The following SOX6 variants were observed in gnomAD, a reference collection of about 807,000 sequenced individuals.
SOX6 encodes the protein transcription factor SOX-6.
SOX6 carries 11 observed loss-of-function variants against 97.8 expected under a neutral mutation model. The observed-to-expected ratio is 0.11, with a 90% CI of 0.07 to 0.19. The LOEUF (loss-of-function observed/expected upper bound fraction) is 0.19. Among genes scored for constraint, SOX6 ranks in the 10% least tolerant of loss-of-function variants. The probability of loss-of-function intolerance (pLI) is 1.00; values close to 1 mark genes in which losing one functional copy is unlikely to be tolerated. For synonymous variants in SOX6, 360 were observed against 371.4 expected, an observed-to-expected ratio of 0.97 and a Z score of 0.35; for missense variants, 810 against 1,039.5, an observed-to-expected ratio of 0.78 and a Z score of 3.04.
intron 2 of SOX6, among the ~76,000 whole-genome samples, chr11:16,328,830 C>T (rs926098459): frequency 3.3e-5 from 5 of 152,054 alleles, no homozygotes; most frequent in Admixed American, 2.6e-4. Flanking sequence ...CAAACATTTA[C>T]GGTTCTTTCT....
chr11:16,276,730 C>A (rs1388251804), intron 3 of SOX6, among the ~76,000 whole-genome samples: 1 of 152,204 alleles, frequency 6.6e-6, no homozygotes, highest in Non-Finnish European at 1.5e-5. Context: ...TACCTTCAGA[C>A]TTCCTGCTAT....
At chr11:16,184,162 T>C (rs1424916925) in intron 5 of SOX6, among the ~76,000 whole-genome samples, 1 of 152,124 alleles carries the variant, frequency 6.6e-6, no homozygotes, top group East Asian at 1.9e-4. Context: ...GTAGGAAAAC[T>C]ACCCCTTCTA....
intron 1 of SOX6, among the ~76,000 whole-genome samples, chr11:16,426,358 A>G (rs1287040178): frequency 6.6e-6 from 1 of 151,658 alleles, no homozygotes; most frequent in African/African-American, 2.4e-5. Context: ...GAGCAATCCT[A>G]AGCAAAAAGA....
At chr11:16,107,426 T>C (rs1482633587) in intron 7 of SOX6, among the ~76,000 whole-genome samples, 1 of 147,774 alleles carries the variant, frequency 6.8e-6, no homozygotes, top group Non-Finnish European at 1.5e-5. Context: ...TACATATATA[T>C]ACATATATAT....
intron 2 of SOX6, among the ~76,000 whole-genome samples, chr11:16,721,510 C>G (rs1279599387): frequency 7.9e-5 from 2 of 25,470 alleles, no homozygotes; most frequent in South Asian, 2.5e-3. Flanking sequence ...GTCTCTCTCT[C>G]TCTCTCTCTC....
intron 6 of SOX6, among the ~76,000 whole-genome samples, chr11:16,141,473 T>G (rs887189366): frequency 6.6e-6 from 1 of 152,064 alleles, no homozygotes; most frequent in Non-Finnish European, 1.5e-5. Context: ...CATTTCCAAC[T>G]GAGGTACCAG....
chr11:16,121,622 G>T (rs1250929626), intron 6 of SOX6, among the ~76,000 whole-genome samples: 1 of 151,894 alleles, frequency 6.6e-6, no homozygotes, highest in African/African-American at 2.4e-5. Context: ...GAAAACTAAA[G>T]TATAGCAAAA....
intron 12 of SOX6, among the ~76,000 whole-genome samples, chr11:16,039,309 C>T (rs78941685): frequency 0.014 from 2,115 of 152,118 alleles, 44 homozygotes; most frequent in African/African-American, 0.049. Context: ...TTAATTCAAA[C>T]AGAACAAAGC....
At chr11:16,388,586 G>T (rs1260015560) in intron 1 of SOX6, among the ~76,000 whole-genome samples, 2 of 151,890 alleles carry the variant, frequency 1.3e-5, no homozygotes, top group Non-Finnish European at 2.9e-5. Context: ...TTCTTATCTT[G>T]TGTCAGTTTT....
At chr11:16,553,563 T>C (rs949996976) in intron 4 of SOX6, among the ~76,000 whole-genome samples, 1 of 149,804 alleles carries the variant, frequency 6.7e-6, no homozygotes, top group Non-Finnish European at 1.5e-5. Context: ...TTTGTCACCA[T>C]CTGCTGATTT....
At chr11:16,640,310 G>T (rs189336005) in intron 3 of SOX6, among the ~76,000 whole-genome samples, 2 of 152,176 alleles carry the variant, frequency 1.3e-5, no homozygotes, top group African/African-American at 2.4e-5. Context: ...GATTCGGTTT[G>T]CCAGTATTTT....
chr11:16,027,350 A>G (rs566478646), intron 12 of SOX6, among the ~76,000 whole-genome samples: 1 of 152,312 alleles, frequency 6.6e-6, no homozygotes, highest in African/African-American at 2.4e-5. Context: ...AATTTAATAA[A>G]CTAAAGGTAT....
chr11:16,560,434 C>T lies in SOX6; in HGVS notation n.609+51647G>A, dbSNP rs111660449. Among the ~76,000 whole-genome samples the T allele has an allele frequency of 3.9e-4, 47 of 119,736 alleles. 2 individuals are homozygous for T. The highest frequency in any genetic ancestry group is 1.3e-3 in the African/African-American group (39 of 29,532). The allele number at this position is 119,736 out of a possible 152,430, so 78.6% of individuals were successfully genotyped here. On this transcript the variant is annotated intron_variant and non_coding_transcript_variant, in intron 4 of 5. Transcript: ENST00000524520. ...ACATATATACGTACATATGTTTATACGTACATATATGTTTATACGTACATA... is the reference window on the plus strand; with the variant it reads ...ACATATATACGTACATATGTTTATATGTACATATATGTTTATACGTACATA...
intron 13 of SOX6, among the ~76,000 whole-genome samples, chr11:15,992,790 T>C (rs1854094811): frequency 2.0e-5 from 3 of 152,234 alleles, no homozygotes; most frequent in Admixed American, 2.0e-4. Flanking sequence ...ATAAGGCTTA[T>C]ATGGAACTCA....
intron 4 of SOX6, among the ~76,000 whole-genome samples, chr11:16,502,378 G>T (rs1677037215): frequency 6.6e-6 from 1 of 151,952 alleles, no homozygotes; most frequent in Non-Finnish European, 1.5e-5. Flanking sequence ...GAGTTAATGG[G>T]TGCAGCACAC....
chr11:16,332,409 T>A (rs1856333538), intron 2 of SOX6, among the ~76,000 whole-genome samples: 1 of 152,194 alleles, frequency 6.6e-6, no homozygotes, highest in Admixed American at 6.5e-5. Flanking sequence ...CTACCTGTGC[T>A]TGAATGAGGG....
At chr11:16,604,255 T>C (rs926919832) in intron 4 of SOX6, among the ~76,000 whole-genome samples, 2 of 152,142 alleles carry the variant, frequency 1.3e-5, no homozygotes, top group Non-Finnish European at 2.9e-5. Flanking sequence ...TTGCCAGGTG[T>C]CCGTCCTGTC....
Position 16,356,397 on chromosome 11 carries a change from T to C in SOX6, c.-308A>G, listed in dbSNP as rs1007020306. Among the ~76,000 whole-genome samples, 1 of 152,104 alleles carries C rather than the reference T, an allele frequency of 6.6e-6. No individual in the cohort carries two copies. The highest frequency in any genetic ancestry group is 1.5e-5 in the Non-Finnish European group (1 of 67,990). On this transcript the variant is annotated 5_prime_UTR_variant, in exon 1 of 16. Transcript: ENST00000683767. Reference sequence around the variant, plus strand: ...ATGAAAGAAGTGAAATCTCTTGGCCTGTTGGGAGATACAGTACCCCACATA... The same window carrying C: ...ATGAAAGAAGTGAAATCTCTTGGCCCGTTGGGAGATACAGTACCCCACATA...
intron 6 of SOX6, among the ~76,000 whole-genome samples, chr11:16,178,714 A>C (rs1181400041): frequency 6.6e-6 from 1 of 151,978 alleles, no homozygotes; most frequent in Non-Finnish European, 1.5e-5. Context: ...AGTTGGAAGG[A>C]GATCCATTAC....
Sources: gnomAD v4.1 joint callset for allele counts (sites outside exome capture counted in the v4.1 genomes callset) on GRCh38, gnomAD v4.1.1 for gene constraint, MANE v1.5 for transcripts, NCBI Gene and HGNC (gene_info 2026-07-23, HGNC 2026-07-21) for gene names.